ST7L: variants seen among roughly 807,000 people sequenced by gnomAD.
ST7L encodes the protein suppressor of tumorigenicity 7 protein-like.
ST7L carries 57 observed loss-of-function variants against 72.5 expected under a neutral mutation model. The ratio of observed to expected loss-of-function variants is 0.79; its 90% CI spans 0.64 to 0.98. ST7L has a LOEUF of 0.98. Among genes scored for constraint, ST7L ranks in the 50% least tolerant of loss-of-function variants. The pLI, the probability that ST7L is intolerant of heterozygous loss-of-function variation, is 0.00. For synonymous variants in ST7L, 221 were observed against 240.9 expected, an observed-to-expected ratio of 0.92 and a Z score of 0.77; for missense variants, 576 against 672.2, an observed-to-expected ratio of 0.86 and a Z score of 1.58.
chr1:112,619,193 G>T, upstream of ST7L: 1 of 1,407,410 alleles, frequency 7.1e-7, no homozygotes, highest in Non-Finnish European at 9.8e-7. Flanking sequence ...GGATAGTGGC[G>T]GACCTGAAGT....
chr1:112,615,033 T>G (rs972617146), intron 2 of ST7L, among the ~76,000 whole-genome samples: 15 of 152,204 alleles, frequency 9.9e-5, no homozygotes, highest in African/African-American at 3.1e-4. Context: ...AGAGTCTTGC[T>G]CTGTCACTCA....
chr1:112,546,976 A>G (rs923297674), intron 13 of ST7L, among the ~76,000 whole-genome samples: 8 of 151,004 alleles, frequency 5.3e-5, no homozygotes, highest in Non-Finnish European at 2.9e-5. Flanking sequence ...ATATATATAT[A>G]CACATATACA....
At chr1:112,531,370 A>C (rs7525421) in intron 14 of ST7L, among the ~76,000 whole-genome samples, 3,048 of 152,346 alleles carry the variant, frequency 0.02, 103 homozygotes, top group African/African-American at 0.069. Flanking sequence ...ATAATAAATA[A>C]CACTGCTTAC....
At chr1:112,538,286 C>T (rs1366232240) in intron 14 of ST7L, among the ~76,000 whole-genome samples, 1 of 152,184 alleles carries the variant, frequency 6.6e-6, no homozygotes, top group African/African-American at 2.4e-5. Context: ...GTGCCTAGAA[C>T]CTGAAACATT....
intron 13 of ST7L, among the ~76,000 whole-genome samples, chr1:112,543,686 T>C (rs949490305): frequency 3.9e-5 from 6 of 152,008 alleles, no homozygotes; most frequent in Non-Finnish European, 5.9e-5. Context: ...TTGGCCAACA[T>C]AGTGAAACCC....
chr1:112,531,770 G>A (rs937511641), intron 14 of ST7L, among the ~76,000 whole-genome samples: 1 of 152,280 alleles, frequency 6.6e-6, no homozygotes, highest in East Asian at 1.9e-4. Flanking sequence ...GCAAAGACCT[G>A]TTATATGTTA....
At chr1:112,593,589 A>C (rs978847723) in intron 5 of ST7L, among the ~76,000 whole-genome samples, 2 of 152,214 alleles carry the variant, frequency 1.3e-5, no homozygotes, top group Non-Finnish European at 2.9e-5. Context: ...GCCACAACTC[A>C]GTTCCATCTT....
chr1:112,599,829 T>C (rs536148815), intron 4 of ST7L, among the ~76,000 whole-genome samples: 1 of 152,132 alleles, frequency 6.6e-6, no homozygotes, highest in Non-Finnish European at 1.5e-5. Context: ...CAAATACTTA[T>C]ATGTATTATA....
intron 11 of ST7L, among the ~76,000 whole-genome samples, chr1:112,575,170 C>T (rs1186305844): frequency 6.6e-6 from 1 of 152,132 alleles, no homozygotes; most frequent in Non-Finnish European, 1.5e-5. Context: ...ACTCTGGAGG[C>T]GGAGGTTGCA....
chr1:112,618,915 C>T lies in ST7L; in HGVS notation c.199G>A (p.Ala67Thr). 2 of 1,560,530 alleles carry T rather than the reference C, an allele frequency of 1.3e-6. No individual in the cohort carries two copies. The highest frequency in any genetic ancestry group is 1.7e-6 in the Non-Finnish European group (2 of 1,152,298). The part of the protein sequence containing the change: ...RIPLRLCENL[A>T]AVTVFLNSLT... ...GGAGGTCTGGTCCTCTCACCCGCTG[C>T]CAAATTCTCACACAGCCTCAAAGGG... The change falls in exon 1 of 15, where the codon GCA becomes ACA. Residue 67 changes from alanine to threonine, a missense_variant. This residue lies in a region of ST7L where 511 missense variants were observed against 600.7 expected (regional missense o/e 0.85). Transcript: ENST00000358039.
At chr1:112,542,158 C>A in intron 13 of ST7L, 68 bp from the exon 14 acceptor site, 3 of 1,378,028 alleles carry the variant, frequency 2.2e-6, no homozygotes, top group South Asian at 1.7e-5. Context: ...TTAATCTTTT[C>A]AAATGAAATC....
intron 12 of ST7L, among the ~76,000 whole-genome samples, chr1:112,552,496 C>A (rs1658388199): frequency 6.6e-6 from 1 of 152,080 alleles, no homozygotes; most frequent in South Asian, 2.1e-4. Flanking sequence ...TCTCCGCCTC[C>A]CAGGTTCAAG....
At chr1:112,566,253 C>T (rs1399606624) in intron 11 of ST7L, among the ~76,000 whole-genome samples, 2 of 151,332 alleles carry the variant, frequency 1.3e-5, no homozygotes, top group Non-Finnish European at 2.9e-5. Context: ...ACAAGTAATG[C>T]CCAAATCAAG....
chr1:112,574,747 A>T (rs1662828526), intron 11 of ST7L, among the ~76,000 whole-genome samples: 1 of 152,182 alleles, frequency 6.6e-6, no homozygotes, highest in Non-Finnish European at 1.5e-5. Flanking sequence ...ATAAGAATAC[A>T]AATGAATAAG....
At chr1:112,567,485 C>A (rs12091635) in intron 11 of ST7L, among the ~76,000 whole-genome samples, 4,613 of 152,224 alleles carry the variant, frequency 0.03, 256 homozygotes, top group African/African-American at 0.1. Context: ...TAATTGTCTT[C>A]TCTTATAATT....
chr1:112,535,802 G>T (rs1460720826), intron 14 of ST7L, among the ~76,000 whole-genome samples: 1 of 151,916 alleles, frequency 6.6e-6, no homozygotes, highest in African/African-American at 2.4e-5. Context: ...AGAAAATCTG[G>T]ATGAATAATA....
intron 11 of ST7L, among the ~76,000 whole-genome samples, chr1:112,565,786 G>A (rs575453370): frequency 6.6e-6 from 1 of 152,198 alleles, no homozygotes. Context: ...GGAGGCCAAG[G>A]TGGGCGGACT....
Position 112,591,600 on chromosome 1 carries a change from A to AT in ST7L, c.625dup (p.Met209AsnfsTer26), listed in dbSNP as rs747687593. The AT allele has an allele frequency of 6.2e-7, 1 of 1,606,044 alleles. No individual in the cohort carries two copies. Among genetic ancestry groups the AT allele is most frequent in the Non-Finnish European group, 8.5e-7 (1 of 1,177,946 alleles). On this transcript the variant is annotated frameshift_variant, in exon 6 of 15. Transcript: ENST00000358039. LOFTEE classifies it high-confidence loss of function. ...ATTTCTTTCCCTCCAAGCCTTCTGCATAACTGTAGAAAAAAATTCCATAAA... is the reference window on the plus strand; with the variant it reads ...ATTTCTTTCCCTCCAAGCCTTCTGCATTAACTGTAGAAAAAAATTCCATAAA...
chr1:112,607,139 T>C (rs1026464572), intron 3 of ST7L: 2 of 152,222 alleles, frequency 1.3e-5, no homozygotes, highest in Non-Finnish European at 2.9e-5. Flanking sequence ...AAGGATTTCT[T>C]AGTCTAAAAA....
Sources: gnomAD v4.1 joint callset for allele counts (sites outside exome capture counted in the v4.1 genomes callset) on GRCh38, gnomAD v4.1.1 for gene constraint, gnomAD v4.1.1 regional missense constraint, MANE v1.5 for transcripts, NCBI Gene and HGNC (gene_info 2026-07-23, HGNC 2026-07-21) for gene names.